The following ANO3 variants were observed in gnomAD, a reference collection of about 807,000 sequenced individuals.
ANO3 encodes anoctamin 3.
A neutral mutation model predicts 144.8 loss-of-function variants in ANO3; 99 were observed. That is an observed-to-expected ratio of 0.68 (90% CI 0.58 to 0.81). ANO3 has a LOEUF of 0.81. Ranked by LOEUF, ANO3 falls within the 30% of genes least tolerant of loss-of-function variation. The probability of loss-of-function intolerance (pLI) is 0.00; values close to 1 mark genes in which losing one functional copy is unlikely to be tolerated. For synonymous variants in ANO3, 414 were observed against 392.6 expected, an observed-to-expected ratio of 1.05 and a Z score of -0.64; for missense variants, 905 against 1,202.2, an observed-to-expected ratio of 0.75 and a Z score of 3.66.
chr11:26,356,700 G>A (rs935372090), intron 1 of ANO3, among the ~76,000 whole-genome samples: 1 of 152,160 alleles, frequency 6.6e-6, no homozygotes, highest in Non-Finnish European at 1.5e-5. Context: ...GGAGATTGAA[G>A]TCCAAAATGA....
At chr11:26,291,799 C>T (rs1853965061) in intron 1 of ANO3, among the ~76,000 whole-genome samples, 1 of 152,124 alleles carries the variant, frequency 6.6e-6, no homozygotes, top group African/African-American at 2.4e-5. Context: ...GATGGGCTTC[C>T]CTTTGTGGGT....
chr11:26,250,682 G>A (rs1012431285), intron 1 of ANO3, among the ~76,000 whole-genome samples: 4 of 152,050 alleles, frequency 2.6e-5, no homozygotes, highest in Non-Finnish European at 4.4e-5. Context: ...TCTTCTGTGG[G>A]CATTTCACTT....
At chr11:26,271,673 T>G (rs11825099) in intron 1 of ANO3, among the ~76,000 whole-genome samples, 14,536 of 149,972 alleles carry the variant, frequency 0.097, 1,335 homozygotes, top group African/African-American at 0.24. Flanking sequence ...TTGATTTTTA[T>G]AAACACTATA....
intron 1 of ANO3, among the ~76,000 whole-genome samples, chr11:26,211,183 A>G (rs1270824384): frequency 6.6e-6 from 1 of 152,190 alleles, no homozygotes; most frequent in Non-Finnish European, 1.5e-5. Flanking sequence ...CAATCAAAAT[A>G]GAACTCAGGA....
At chr11:26,265,719 T>G (rs1019892193) in intron 1 of ANO3, among the ~76,000 whole-genome samples, 2 of 152,184 alleles carry the variant, frequency 1.3e-5, no homozygotes, top group Admixed American at 1.3e-4. Flanking sequence ...CACGTAATGG[T>G]GGCTCAAGAC....
chr11:26,291,392 T>C (rs1354689192), intron 1 of ANO3, among the ~76,000 whole-genome samples: 4 of 152,140 alleles, frequency 2.6e-5, no homozygotes, highest in African/African-American at 9.7e-5. Flanking sequence ...TTAATTGGGT[T>C]ATTTAGCCCA....
chr11:26,269,228 A>G (rs1488163266), intron 1 of ANO3, among the ~76,000 whole-genome samples: 1 of 152,166 alleles, frequency 6.6e-6, no homozygotes, highest in East Asian at 1.9e-4. Context: ...CAGAACAGGC[A>G]GCTCTACTCA....
At chr11:26,450,445 G>T (rs1472070452) in intron 3 of ANO3, among the ~76,000 whole-genome samples, 1 of 152,146 alleles carries the variant, frequency 6.6e-6, no homozygotes, top group Non-Finnish European at 1.5e-5. Context: ...GAACCCCAAA[G>T]AATTAATAAG....
In ANO3 at chr11:26,403,176, A is replaced by C. The variant is rs555930571; in HGVS notation, c.47-38742A>C. Among the ~76,000 whole-genome samples, 13 of 152,038 alleles carry C rather than the reference A, an allele frequency of 8.6e-5. No homozygotes were observed. In the South Asian group the frequency reaches 2.5e-3, roughly 29 times the overall value. Reference sequence around the variant, plus strand: ...TCTGTAACTTGAAAGTTAGTTTTAAAAACATGATCAGATCCAGATTCAATT... The same window carrying C: ...TCTGTAACTTGAAAGTTAGTTTTAACAACATGATCAGATCCAGATTCAATT... On this transcript the variant is annotated intron_variant, in intron 1 of 26. Coordinates refer to ENST00000256737, the MANE Select transcript of ANO3 (RefSeq NM_031418.4).
intron 1 of ANO3, among the ~76,000 whole-genome samples, chr11:26,221,159 T>C (rs535159337): frequency 3.3e-4 from 51 of 152,320 alleles, no homozygotes; most frequent in African/African-American, 1.2e-3. Context: ...CGAAGGAATG[T>C]GGTGTGACAA....
chr11:26,424,396 T>A (rs1358823369), intron 1 of ANO3, among the ~76,000 whole-genome samples: 1 of 152,062 alleles, frequency 6.6e-6, no homozygotes, highest in African/African-American at 2.4e-5. Context: ...GCCTGTGTTT[T>A]CACAGCATTT....
At chr11:26,320,544 TA>T (rs1854733559) in intron 1 of ANO3, among the ~76,000 whole-genome samples, 1 of 152,338 alleles carries the variant, frequency 6.6e-6, no homozygotes, top group African/African-American at 2.4e-5. Flanking sequence ...ATACTCTATT[TA>T]AAAATTTAGA....
At chr11:26,472,326 TAA>T (rs1859812222) in intron 4 of ANO3, among the ~76,000 whole-genome samples, 1 of 151,982 alleles carries the variant, frequency 6.6e-6, no homozygotes, top group Non-Finnish European at 1.5e-5. Flanking sequence ...TTACAACAGC[TAA>T]CATTTACCAG....
chr11:26,302,012 G>T (rs112027692), intron 1 of ANO3, among the ~76,000 whole-genome samples: 188 of 152,272 alleles, frequency 1.2e-3, no homozygotes, highest in African/African-American at 3.2e-3. Context: ...TGGTGATTCA[G>T]CCCTGCTAAG....
chr11:26,324,265 T>C (rs1465697481), intron 1 of ANO3, among the ~76,000 whole-genome samples: 1 of 152,102 alleles, frequency 6.6e-6, no homozygotes, highest in Admixed American at 6.6e-5. Flanking sequence ...AATAACCACA[T>C]GTTTGTGGAG....
chr11:26,525,501 T>G, intron 6 of ANO3, 134 bp from the exon 7 acceptor site: 1 of 681,080 alleles, frequency 1.5e-6, no homozygotes, highest in Non-Finnish European at 2.5e-6. Context: ...GCTGGGTTAT[T>G]TCAAACATCT....
chr11:26,200,842 T>G (rs1851679489), intron 1 of ANO3, among the ~76,000 whole-genome samples: 1 of 152,124 alleles, frequency 6.6e-6, no homozygotes, highest in Non-Finnish European at 1.5e-5. Context: ...TAACAGAAAT[T>G]TTTAAAAAAT....
At chr11:26,395,573 CTGTT>C (rs1453373828) in intron 1 of ANO3, among the ~76,000 whole-genome samples, 1 of 152,062 alleles carries the variant, frequency 6.6e-6, no homozygotes, top group Non-Finnish European at 1.5e-5. Context: ...ATTTGGCTCT[CTGTT>C]TGTCTATTAT....
At chr11:26,252,269 G>A (rs1331797332) in intron 1 of ANO3, among the ~76,000 whole-genome samples, 2 of 152,148 alleles carry the variant, frequency 1.3e-5, no homozygotes, top group Non-Finnish European at 2.9e-5. Flanking sequence ...CGCATCATAA[G>A]AAAAGTAATC....
Sources: allele counts gnomAD v4.1 joint callset (sites outside exome capture counted in the v4.1 genomes callset), GRCh38; gene constraint gnomAD v4.1.1; transcripts MANE v1.5; gene names NCBI Gene and HGNC (gene_info 2026-07-23, HGNC 2026-07-21).